The following SYT17 variants were observed in gnomAD, a reference collection of about 807,000 sequenced individuals.
SYT17 encodes the protein synaptotagmin 17.
Under a neutral mutation model 46.7 loss-of-function variants are expected in SYT17, and 22 were observed. The ratio of observed to expected loss-of-function variants is 0.47; its 90% CI spans 0.34 to 0.67. SYT17 has a LOEUF of 0.67. Ranked by LOEUF, SYT17 falls within the 30% of genes least tolerant of loss-of-function variation. SYT17 has a pLI of 0.01. For missense variants in SYT17, 519 were observed against 612.8 expected, an observed-to-expected ratio of 0.85 and a Z score of 1.62; for synonymous variants, 251 against 248.4, an observed-to-expected ratio of 1.01 and a Z score of -0.10.
At chr16:19,191,650 T>TA (rs1965025653) in intron 5 of SYT17, among the ~76,000 whole-genome samples, 1 of 152,196 alleles carries the variant, frequency 6.6e-6, no homozygotes, top group Non-Finnish European at 1.5e-5. Context: ...GATAGAGTGA[T>TA]AGATGGATAG....
chr16:19,173,679 G>A, intron 3 of SYT17, 101 bp downstream of exon 3: 2 of 1,338,812 alleles, frequency 1.5e-6, no homozygotes, highest in African/African-American at 1.5e-5. Flanking sequence ...GGGAGGATTT[G>A]GGGGCATGAA....
At chr16:19,251,528 G>T (rs1194832218) in intron 7 of SYT17, among the ~76,000 whole-genome samples, 1 of 152,152 alleles carries the variant, frequency 6.6e-6, no homozygotes, top group Non-Finnish European at 1.5e-5. Flanking sequence ...AGGACTTTGT[G>T]CCCACCATCC....
chr16:19,183,016 C>T lies in SYT17; in HGVS notation c.332-512C>T, dbSNP rs1964619364. Among the ~76,000 whole-genome samples, 1 of 152,144 alleles carries T rather than the reference C, an allele frequency of 6.6e-6. No individual in the cohort carries two copies. The highest frequency in any genetic ancestry group is 2.1e-4 in the South Asian group (1 of 4,824). On this transcript the variant is annotated intron_variant, in intron 4 of 7. Transcript: ENST00000355377. The surrounding 1 kb of genome is among the most constrained non-coding windows in gnomAD (Gnocchi z 5.6). ...TCACATGGCTCACTGGTAATGAGTA[C>T]ACGAGTAGTGAGTAAGTGGCTGAGA...
intron 3 of SYT17, among the ~76,000 whole-genome samples, chr16:19,177,952 C>T (rs563498671): frequency 3.1e-4 from 47 of 152,334 alleles, no homozygotes; most frequent in East Asian, 5.8e-4. Context: ...TAGAGTTTAG[C>T]ATTACTGGCT....
chr16:19,221,876 T>C (rs948838378), intron 5 of SYT17, among the ~76,000 whole-genome samples: 3 of 152,204 alleles, frequency 2.0e-5, no homozygotes, highest in African/African-American at 7.2e-5. Context: ...CATATTGAAA[T>C]ATTACAAATA....
chr16:19,228,604 T>C (rs1464558593), intron 7 of SYT17, among the ~76,000 whole-genome samples: 1 of 152,196 alleles, frequency 6.6e-6, no homozygotes, highest in Non-Finnish European at 1.5e-5. Context: ...ACACCCCAGA[T>C]ATTTCTATTG....
chr16:19,174,434 G>T (rs760073557), intron 3 of SYT17, among the ~76,000 whole-genome samples: 5 of 152,164 alleles, frequency 3.3e-5, no homozygotes, highest in Non-Finnish European at 5.9e-5. Flanking sequence ...CAGCGGCCAG[G>T]ACCCACAGCT....
intron 2 of SYT17, 26 bp from the exon 3 acceptor site, chr16:19,173,404 C>T: frequency 8.3e-7 from 1 of 1,203,880 alleles, no homozygotes; most frequent in Non-Finnish European, 1.2e-6. Flanking sequence ...CCCCATCCCC[C>T]CGCCCACCTC....
rs34788366 is a variant in SYT17, at chr16:19,175,645, C to CAAA, written c.182+2087_182+2089dup. On this transcript the variant is annotated intron_variant, in intron 3 of 7. Transcript: ENST00000355377. ...CAGCTTGCGCAACAGAGCAAGACTT[C>CAAA]AAAAAAAAAAAAAAAAAAAAAAGGA... Among the ~76,000 whole-genome samples, 125 of 67,692 alleles carry CAAA rather than the reference C, an allele frequency of 1.8e-3. 3 individuals are homozygous for CAAA. Among genetic ancestry groups the CAAA allele is most frequent in the African/African-American group, 5.6e-3 (107 of 19,172 alleles). The allele number at this position is 67,692 out of a possible 152,430, so 44.4% of individuals were successfully genotyped here. A position where few individuals can be genotyped will look rare whatever the true frequency, so the allele number is the denominator to read the frequency against.
rs2269788 is a variant in SYT17 at position 19,231,787 on chromosome 16, G to A, written c.1228+6949G>A. ...CTATGTACCTGGCACCGTGCTAGAC[G>A]TTATGTATTCGACAGAGAACCAGAC... On this transcript the variant is annotated intron_variant, in intron 7 of 7. Transcript: ENST00000355377. 1.6e-3 allele frequency among the ~76,000 whole-genome samples: 238 copies of A among 152,272 alleles called. 5 individuals carry two copies. The East Asian group carries it at 0.038, about 24-fold the overall frequency.
chr16:19,237,467 A>G (rs918883680), intron 7 of SYT17, among the ~76,000 whole-genome samples: 7 of 152,164 alleles, frequency 4.6e-5, no homozygotes, highest in African/African-American at 1.4e-4. Flanking sequence ...GCGCCATCTC[A>G]GTTTACCATT....
At chr16:19,230,243 A>G (rs1255504786) in intron 7 of SYT17, among the ~76,000 whole-genome samples, 2 of 152,018 alleles carry the variant, frequency 1.3e-5, no homozygotes, top group Non-Finnish European at 2.9e-5. Context: ...CCCCATCTCT[A>G]TAAAAATACA....
chr16:19,174,910 G>A (rs1257223241), intron 3 of SYT17, among the ~76,000 whole-genome samples: 1 of 152,074 alleles, frequency 6.6e-6, no homozygotes, highest in African/African-American at 2.4e-5. Context: ...TTGAGCTCAG[G>A]ATTTCGAGAC....
chr16:19,267,001 C>T lies in SYT17; in HGVS notation c.1350C>T (p.Ala450=), dbSNP rs145703934. The T allele has an allele frequency of 2.3e-3, 3,724 of 1,613,286 alleles. 3 individuals carry two copies. Among genetic ancestry groups the T allele is most frequent in the Non-Finnish European group, 2.9e-3 (3,468 of 1,179,948 alleles). ...WRRMLNTHRT[A]VEQWHSLRSR... is the part of the protein sequence containing the mutation. ...GCATGCTCAACACGCACCGCACAGC[C>T]GTGGAGCAGTGGCATAGCCTGAGGT... Residue 450 remains alanine (A), a synonymous_variant, in exon 8 of 8, where the codon GCC becomes GCT. Transcript: ENST00000355377.
At position 19,184,026 on chromosome 16, in the gene SYT17, C is replaced by A; in HGVS notation, c.830C>A (p.Thr277Asn). 1.2e-6 allele frequency: 2 copies of A among 1,614,102 alleles called. No individual in the cohort carries two copies. Among genetic ancestry groups the A allele is most frequent in the South Asian group, 1.1e-5 (1 of 91,070 alleles). The change falls in exon 5 of 8, where the codon ACC (threonine) becomes AAC (asparagine). Residue 277 changes from threonine to asparagine, a missense_variant. Coordinates refer to ENST00000355377, the MANE Select transcript of SYT17 (RefSeq NM_016524.4). ...LEAQRRTLLL[T>N]VVDFDKFSRH... ...GCCCAGAGGAGGACCCTGCTCCTGACCGTGGTGGATTTTGATAAGTTCTCC... is the reference window on the plus strand; with the variant it reads ...GCCCAGAGGAGGACCCTGCTCCTGAACGTGGTGGATTTTGATAAGTTCTCC...
chr16:19,171,337 T>C (rs1441253046), intron 1 of SYT17: 1 of 160,944 alleles, frequency 6.2e-6, no homozygotes, highest in Non-Finnish European at 1.4e-5. Context: ...TTATGATTAT[T>C]ATTTTAGACA....
At chr16:19,174,010 TAGTAAA>T (rs1964214039) in intron 3 of SYT17, among the ~76,000 whole-genome samples, 2 of 152,100 alleles carry the variant, frequency 1.3e-5, no homozygotes, top group Non-Finnish European at 2.9e-5. Flanking sequence ...GGCCTGCACA[TAGTAAA>T]AGCTCGATAA....
chr16:19,223,208 A>G (rs1310724164), intron 6 of SYT17, 43 bp downstream of exon 6: 7 of 1,603,772 alleles, frequency 4.4e-6, no homozygotes, highest in Non-Finnish European at 5.1e-6. Flanking sequence ...TTAATGGGGC[A>G]TCTGTGTTTG....
intron 2 of SYT17, 146 bp downstream of exon 2, chr16:19,172,923 A>C: frequency 1.0e-6 from 1 of 1,004,192 alleles, no homozygotes; most frequent in Non-Finnish European, 1.5e-6. Flanking sequence ...ATTCCTTTCT[A>C]CCGAAAGGAG....
Sources: gnomAD v4.1 joint callset for allele counts (sites outside exome capture counted in the v4.1 genomes callset) on GRCh38, gnomAD v4.1.1 for gene constraint, Gnocchi (gnomAD v3.1) non-coding constraint, MANE v1.5 for transcripts, NCBI Gene and HGNC (gene_info 2026-07-23, HGNC 2026-07-21) for gene names.